TMEM170B: variants seen among roughly 807,000 people sequenced by gnomAD.
TMEM170B encodes transmembrane protein 170B.
TMEM170B carries 6 observed loss-of-function variants against 13.0 expected under a neutral mutation model. The ratio of observed to expected loss-of-function variants is 0.46; its 90% CI spans 0.25 to 0.91. The LOEUF (loss-of-function observed/expected upper bound fraction) is 0.91. Among genes scored for constraint, TMEM170B ranks in the 40% least tolerant of loss-of-function variants. The pLI, the probability that TMEM170B is intolerant of heterozygous loss-of-function variation, is 0.17. For missense variants in TMEM170B, 138 were observed against 165.2 expected (o/e 0.84, Z 0.90); for synonymous variants, 61 against 64.9 (o/e 0.94, Z 0.29).
intron 1 of TMEM170B, among the ~76,000 whole-genome samples, chr6:11,551,644 G>A (rs1053576508): frequency 6.6e-6 from 1 of 152,230 alleles, no homozygotes; most frequent in Non-Finnish European, 1.5e-5. Flanking sequence ...GGTAAACACT[G>A]ATGAACAAAA....
chr6:11,562,852 A>AAG (rs1376969047), intron 1 of TMEM170B, among the ~76,000 whole-genome samples: 1 of 152,224 alleles, frequency 6.6e-6, no homozygotes, highest in Non-Finnish European at 1.5e-5. Context: ...TCAAAGAAGA[A>AAG]ATCCATTACC....
At chr6:11,550,855 G>A (rs555069979) in intron 1 of TMEM170B, among the ~76,000 whole-genome samples, 1 of 152,264 alleles carries the variant, frequency 6.6e-6, no homozygotes, top group South Asian at 2.1e-4. Flanking sequence ...CATGGACATG[G>A]TGCTGTCAGA....
At position 11,575,365 on chromosome 6, in the gene TMEM170B, T is replaced by C. The variant is rs1759860495; in HGVS notation, c.269-66T>C. The C allele has an allele frequency of 6.3e-7, 1 of 1,578,488 alleles. No homozygotes were observed. Among genetic ancestry groups the C allele is most frequent in the Non-Finnish European group, 8.7e-7 (1 of 1,153,230 alleles). ...GATGAAATGAAAAGAGCTCTTAAGG[T>C]GCAGCATGCAGTGTGTTATAAAACG... On this transcript the variant is annotated intron_variant, in intron 2 of 2. Transcript: ENST00000379426. The surrounding 1 kb of genome is among the most constrained non-coding windows in gnomAD (Gnocchi z 4.1).
chr6:11,538,207 C>G lies in TMEM170B; in HGVS notation c.-71C>G, dbSNP rs558319693. The G allele has an allele frequency of 1.4e-6, 1 of 723,382 alleles. No individual in the cohort carries two copies. The allele number at this position is 723,382 out of a possible 1,614,324, so 44.8% of individuals were successfully genotyped here. ...TGGAGGAGCCGCGCACCCGCCGCCG[C>G]CCCCCGAGCCTCGCAGCCGCCGCCG... On this transcript the variant is annotated 5_prime_UTR_variant, in exon 1 of 3. Transcript: ENST00000379426.
At chr6:11,557,802 T>C (rs1465126017) in intron 1 of TMEM170B, among the ~76,000 whole-genome samples, 1 of 152,226 alleles carries the variant, frequency 6.6e-6, no homozygotes, top group Non-Finnish European at 1.5e-5. Context: ...CCGCAAGTTC[T>C]CCTAAATATT....
intron 2 of TMEM170B, among the ~76,000 whole-genome samples, chr6:11,568,187 TAA>T (rs1161025017): frequency 6.6e-6 from 1 of 152,134 alleles, no homozygotes; most frequent in Non-Finnish European, 1.5e-5. Flanking sequence ...GCATTAACTG[TAA>T]TCTAAACTTG....
chr6:11,538,445 G>C, intron 1 of TMEM170B, 71 bp downstream of exon 1: 2 of 1,178,216 alleles, frequency 1.7e-6, no homozygotes, highest in East Asian at 3.1e-5. Context: ...TCCTCGGGAG[G>C]GGACACGCTC....
rs1759300087 is a variant in TMEM170B at position 11,537,839 on chromosome 6, G to A, written c.-439G>A. On this transcript the variant is annotated 5_prime_UTR_variant, in exon 1 of 3. Coordinates refer to ENST00000379426, the MANE Select transcript of TMEM170B (RefSeq NM_001100829.3). ...TCCCGCGTCTCCGTCCTCCGGCGGC[G>A]ATGAGCTGGGCCCTGTCGGGGGCTG... Among the ~76,000 whole-genome samples, 1 of 151,666 alleles carries A rather than the reference G, an allele frequency of 6.6e-6. No individual in the cohort carries two copies. Among genetic ancestry groups the A allele is most frequent in the Non-Finnish European group, 1.5e-5 (1 of 67,842 alleles).
intron 2 of TMEM170B, among the ~76,000 whole-genome samples, chr6:11,567,700 TA>T (rs1759753265): frequency 6.6e-6 from 1 of 152,254 alleles, no homozygotes; most frequent in Non-Finnish European, 1.5e-5. Flanking sequence ...ATATGGATGG[TA>T]CCTCATATGC....
At chr6:11,553,188 C>G (rs1265445751) in intron 1 of TMEM170B, among the ~76,000 whole-genome samples, 1 of 152,088 alleles carries the variant, frequency 6.6e-6, no homozygotes, top group African/African-American at 2.4e-5. Flanking sequence ...AAAGTCGAAC[C>G]TCCCTGTAGG....
intron 2 of TMEM170B, among the ~76,000 whole-genome samples, chr6:11,566,600 C>T (rs1759735950): frequency 6.6e-6 from 1 of 152,158 alleles, no homozygotes; most frequent in Non-Finnish European, 1.5e-5. Context: ...CCAAGGCAAG[C>T]TTCAGAGCAG....
rs973706280 is a variant in TMEM170B, at chr6:11,541,028, G to A, written c.97+2654G>A. Among the ~76,000 whole-genome samples the A allele has an allele frequency of 1.3e-4, 20 of 152,048 alleles. No individual in the cohort carries two copies. In the South Asian group the frequency reaches 2.7e-3, roughly 20 times the overall value. On this transcript the variant is annotated intron_variant, in intron 1 of 2. Transcript: ENST00000379426. ...GTGGGCTTCACATATTCAGTAGGCC[G>A]TGCTGTAAACTGATGTACTGTCATC...
chr6:11,561,891 C>T (rs1759669818), intron 1 of TMEM170B, among the ~76,000 whole-genome samples: 1 of 152,018 alleles, frequency 6.6e-6, no homozygotes, highest in African/African-American at 2.4e-5. Context: ...TTTTACTTTG[C>T]CTTCTATTAG....
chr6:11,539,292 A>C (rs1459992396), intron 1 of TMEM170B, among the ~76,000 whole-genome samples: 1 of 152,242 alleles, frequency 6.6e-6, no homozygotes, highest in Non-Finnish European at 1.5e-5. Context: ...CCTGCTTTTC[A>C]GAGGAAAAAA....
intron 2 of TMEM170B, among the ~76,000 whole-genome samples, chr6:11,566,097 G>A (rs908111042): frequency 3.3e-5 from 5 of 152,164 alleles, no homozygotes; most frequent in East Asian, 3.8e-4. Flanking sequence ...CAAGAGGCAA[G>A]GCAGGTCAAT....
chr6:11,547,668 A>C (rs1475779657), intron 1 of TMEM170B, among the ~76,000 whole-genome samples: 2 of 152,112 alleles, frequency 1.3e-5, no homozygotes, highest in Admixed American at 1.3e-4. Context: ...TTAAAAACCG[A>C]AATTGTCATT....
At chr6:11,563,751 G>A (rs919429178) in intron 1 of TMEM170B, among the ~76,000 whole-genome samples, 3 of 152,198 alleles carry the variant, frequency 2.0e-5, no homozygotes, top group Non-Finnish European at 4.4e-5. Flanking sequence ...AATTACTTGA[G>A]GCCAGGGGTT....
chr6:11,541,282 A>G (rs115538600), intron 1 of TMEM170B, among the ~76,000 whole-genome samples: 104 of 152,326 alleles, frequency 6.8e-4, no homozygotes, highest in African/African-American at 2.2e-3. Flanking sequence ...TTTAATCTAC[A>G]TGGAATATCT....
chr6:11,568,180 T>A (rs1405389920), intron 2 of TMEM170B, among the ~76,000 whole-genome samples: 1 of 152,080 alleles, frequency 6.6e-6, no homozygotes, highest in African/African-American at 2.4e-5. Flanking sequence ...TTAAGAGGCA[T>A]TAACTGTAAT....
Sources: gnomAD v4.1 joint callset for allele counts (sites outside exome capture counted in the v4.1 genomes callset) on GRCh38, gnomAD v4.1.1 for gene constraint, Gnocchi (gnomAD v3.1) non-coding constraint, MANE v1.5 for transcripts, NCBI Gene and HGNC (gene_info 2026-07-23, HGNC 2026-07-21) for gene names.